PCCA: variants seen among roughly 807,000 people sequenced by gnomAD.
The protein encoded by PCCA is propionyl-CoA carboxylase subunit alpha, also known as propionyl-CoA carboxylase alpha chain, mitochondrial.
Under a neutral mutation model 101.3 loss-of-function variants are expected in PCCA, and 74 were observed. The observed-to-expected ratio is 0.73, with a 90% CI of 0.61 to 0.89. PCCA has a LOEUF of 0.89. Among genes scored for constraint, PCCA ranks in the 40% least tolerant of loss-of-function variants. The pLI is 0.00. For synonymous variants in PCCA, 294 were observed against 313.6 expected (o/e 0.94, Z 0.66); for missense variants, 891 against 907.0 (o/e 0.98, Z 0.23).
At chr13:100,265,908 G>C (rs1473706404) in intron 10 of PCCA, among the ~76,000 whole-genome samples, 1 of 152,166 alleles carries the variant, frequency 6.6e-6, no homozygotes, top group Non-Finnish European at 1.5e-5. Flanking sequence ...CTTTTACTGA[G>C]ATAGGAAAGA....
At chr13:100,449,526 GC>G (rs1244550385) in intron 21 of PCCA, among the ~76,000 whole-genome samples, 1 of 152,086 alleles carries the variant, frequency 6.6e-6, no homozygotes, top group Non-Finnish European at 1.5e-5. Flanking sequence ...TCACTGTGTT[GC>G]CCATGCTGGA....
intron 4 of PCCA, among the ~76,000 whole-genome samples, chr13:100,135,299 G>A (rs1816389778): frequency 6.6e-6 from 1 of 151,938 alleles, no homozygotes; most frequent in Admixed American, 6.5e-5. Flanking sequence ...GGCTGAGAGG[G>A]AGAATTGCTT....
At chr13:100,453,681 G>T (rs565743135) in intron 21 of PCCA, among the ~76,000 whole-genome samples, 1 of 151,756 alleles carries the variant, frequency 6.6e-6, no homozygotes, top group Non-Finnish European at 1.5e-5. Flanking sequence ...CTCAGTTCAG[G>T]GCCTGTTCCA....
chr13:100,265,643 C>T (rs963381502), intron 10 of PCCA, among the ~76,000 whole-genome samples: 5 of 152,084 alleles, frequency 3.3e-5, no homozygotes, highest in East Asian at 1.9e-4. Context: ...GTATTTGGGT[C>T]GTATTGAATC....
chr13:100,221,160 A>T (rs2059789590), intron 7 of PCCA, among the ~76,000 whole-genome samples: 1 of 152,230 alleles, frequency 6.6e-6, no homozygotes, highest in Non-Finnish European at 1.5e-5. Flanking sequence ...AGAATAAAAA[A>T]TGTTGAGGAC....
intron 19 of PCCA, among the ~76,000 whole-genome samples, chr13:100,418,610 G>A (rs1450463465): frequency 1.3e-5 from 2 of 152,100 alleles, no homozygotes; most frequent in Non-Finnish European, 2.9e-5. Context: ...GGAGGCCGAG[G>A]TGGGCAGAGA....
At chr13:100,322,021 C>T (rs1595333026) in intron 16 of PCCA, among the ~76,000 whole-genome samples, 1 of 152,088 alleles carries the variant, frequency 6.6e-6, no homozygotes, top group African/African-American at 2.4e-5. Context: ...CACTAGGGTA[C>T]AGGGTAACCT....
intron 9 of PCCA, 31 bp downstream of exon 9, chr13:100,257,704 G>A (rs764763454): frequency 4.7e-6 from 7 of 1,494,846 alleles, no homozygotes; most frequent in Non-Finnish European, 6.5e-6. Flanking sequence ...TACTTTTGAT[G>A]AAAATTGCAG....
chr13:100,158,508 G>T (rs1449606267), intron 6 of PCCA, among the ~76,000 whole-genome samples: 1 of 152,134 alleles, frequency 6.6e-6, no homozygotes, highest in African/African-American at 2.4e-5. Context: ...ACATCCAGAG[G>T]TTCCAGTTTC....
intron 10 of PCCA, chr13:100,268,455 G>A: frequency 1.8e-6 from 1 of 568,582 alleles, no homozygotes; most frequent in Admixed American, 2.8e-5. Context: ...TATTTGAAAG[G>A]TGATATGAAC....
intron 6 of PCCA, among the ~76,000 whole-genome samples, chr13:100,173,737 GT>G (rs2055954884): frequency 1.4e-5 from 1 of 69,716 alleles, no homozygotes; most frequent in African/African-American, 5.6e-5. Context: ...ATCTTGAATT[GT>G]AGCTCCTCTA....
At chr13:100,202,989 T>C (rs1237635334) in intron 6 of PCCA, among the ~76,000 whole-genome samples, 1 of 152,060 alleles carries the variant, frequency 6.6e-6, no homozygotes. Context: ...TATTAGATGA[T>C]AGGCCAGGTG....
intron 19 of PCCA, among the ~76,000 whole-genome samples, chr13:100,373,629 C>T (rs2075717353): frequency 6.6e-6 from 1 of 152,126 alleles, no homozygotes; most frequent in Admixed American, 6.6e-5. Context: ...TTCAAGAATA[C>T]AAAGTTTCAC....
At chr13:100,443,449 C>CAA (rs772576793) in intron 20 of PCCA, among the ~76,000 whole-genome samples, 4 of 124,712 alleles carry the variant, frequency 3.2e-5, no homozygotes, top group African/African-American at 1.2e-4. Flanking sequence ...GAGACACTGT[C>CAA]AAAAAAAAAA....
intron 7 of PCCA, among the ~76,000 whole-genome samples, chr13:100,216,813 A>G (rs562098220): frequency 9.2e-5 from 14 of 152,336 alleles, no homozygotes; most frequent in African/African-American, 3.4e-4. Context: ...ATAGATAAGT[A>G]TATAAAGAAT....
chr13:100,262,685 C>A, intron 9 of PCCA, 44 bp from the exon 10 acceptor site: 1 of 797,714 alleles, frequency 1.3e-6, no homozygotes, highest in Non-Finnish European at 2.2e-6. Flanking sequence ...TTCCCCTTCC[C>A]CTCCCTCTCC....
chr13:100,356,073 A>T (rs751484667), intron 18 of PCCA, among the ~76,000 whole-genome samples: 2 of 152,168 alleles, frequency 1.3e-5, no homozygotes, highest in African/African-American at 4.8e-5. Context: ...CATGTAAAAG[A>T]ATGAAGTTGG....
At chr13:100,332,934 A>G (rs1441446295) in intron 17 of PCCA, among the ~76,000 whole-genome samples, 1 of 152,214 alleles carries the variant, frequency 6.6e-6, no homozygotes, top group Non-Finnish European at 1.5e-5. Flanking sequence ...GTAAGATAAT[A>G]ATGCCAGGAA....
intron 10 of PCCA, among the ~76,000 whole-genome samples, chr13:100,267,263 A>C (rs894971576): frequency 6.6e-6 from 1 of 152,198 alleles, no homozygotes; most frequent in Non-Finnish European, 1.5e-5. Flanking sequence ...AATGATTTCA[A>C]ATATTTTTAG....
Sources: allele counts gnomAD v4.1 joint callset (sites outside exome capture counted in the v4.1 genomes callset), GRCh38; gene constraint gnomAD v4.1.1; transcripts MANE v1.5; gene names NCBI Gene and HGNC (gene_info 2026-07-23, HGNC 2026-07-21).